ARID4A: variants seen among roughly 807,000 people sequenced by gnomAD.
ARID4A encodes AT-rich interactive domain-containing protein 4A.
A neutral mutation model predicts 148.6 loss-of-function variants in ARID4A; 39 were observed. The ratio of observed to expected loss-of-function variants is 0.26; its 90% CI spans 0.20 to 0.34. The LOEUF (loss-of-function observed/expected upper bound fraction) is 0.34. Ranked by LOEUF, ARID4A falls within the 10% of genes least tolerant of loss-of-function variation. The probability of loss-of-function intolerance (pLI) is 1.00; values close to 1 mark genes in which losing one functional copy is unlikely to be tolerated. For missense variants in ARID4A, 1,265 were observed against 1,449.1 expected (o/e 0.87, Z 2.06); for synonymous variants, 475 against 481.2 (o/e 0.99, Z 0.17).
chr14:58,308,800 A>G (rs2031800896), intron 5 of ARID4A, among the ~76,000 whole-genome samples: 1 of 152,218 alleles, frequency 6.6e-6, no homozygotes, highest in Non-Finnish European at 1.5e-5. Flanking sequence ...ACATGGGTAT[A>G]GTCAGAAAAT....
intron 15 of ARID4A, 79 bp downstream of exon 15, chr14:58,347,957 A>C: frequency 1.0e-6 from 1 of 955,758 alleles, no homozygotes; most frequent in Non-Finnish European, 1.5e-6. Context: ...TATATACACA[A>C]AAGTACTACA....
At chr14:58,367,909 A>T (rs2035426601) in intron 23 of ARID4A, among the ~76,000 whole-genome samples, 2 of 152,194 alleles carry the variant, frequency 1.3e-5, no homozygotes, top group South Asian at 4.1e-4. Context: ...TTGTCCTTGT[A>T]GTGGGACAAA....
At chr14:58,300,673 A>G (rs1406472476) in intron 2 of ARID4A, among the ~76,000 whole-genome samples, 1 of 152,158 alleles carries the variant, frequency 6.6e-6, no homozygotes, top group Non-Finnish European at 1.5e-5. Context: ...AACCTTCTTT[A>G]ATATTACTTG....
At position 58,330,121 on chromosome 14, in the gene ARID4A, A is replaced by G; in HGVS notation, c.858A>G (p.Glu286=). The change falls in exon 11 of 24, where the codon GAA becomes GAG. Residue 286 remains glutamate (E), a synonymous_variant. Transcript: ENST00000355431. ...SSDDEDGPAE[E]NDEEKEKEAK... is the part of the protein sequence containing the mutation. ...ATGATGAAGATGGCCCAGCTGAAGA[A>G]AATGATGAAGAGAAGGAAAAGGAGG... 1 of 1,613,436 alleles carries G rather than the reference A, an allele frequency of 6.2e-7. No individual in the cohort carries two copies.
chr14:58,361,021 G>A lies in ARID4A; in HGVS notation c.2059G>A (p.Ala687Thr). 6.2e-7 allele frequency: 1 copy of A among 1,613,620 alleles called. No individual in the cohort carries two copies. Among genetic ancestry groups the A allele is most frequent in the Non-Finnish European group, 8.5e-7 (1 of 1,179,804 alleles). ...CATGCCGTATGGCTTATCTAAGACA[G>A]CAAACAGTGAAGGAAAATCAGGTAC... ...SNMPYGLSKT[A>T]NSEGKSDSCS... is the part of the protein sequence containing the mutation. The change falls in exon 19 of 24, where the codon GCA becomes ACA. Residue 687 changes from alanine to threonine, a missense_variant. Transcript: ENST00000355431.
chr14:58,353,887 A>T (rs746545006), intron 17 of ARID4A, 32 bp downstream of exon 17: 1 of 1,570,558 alleles, frequency 6.4e-7, no homozygotes, highest in Non-Finnish European at 8.7e-7. Flanking sequence ...TACTATTGAA[A>T]TTTTTTCGAT....
intron 1 of ARID4A, among the ~76,000 whole-genome samples, chr14:58,299,084 T>G (rs1007057157): frequency 2.0e-5 from 3 of 152,176 alleles, no homozygotes; most frequent in African/African-American, 7.2e-5. Flanking sequence ...GATACCTCTC[T>G]GGGCTGTACA....
intron 15 of ARID4A, among the ~76,000 whole-genome samples, 168 bp from the exon 16 acceptor site, chr14:58,350,905 G>A (rs908372572): frequency 6.6e-6 from 1 of 152,068 alleles, no homozygotes; most frequent in African/African-American, 2.4e-5. Flanking sequence ...AATTCTATCA[G>A]TTATTCTTTT....
chr14:58,354,237 G>A (rs762478306), intron 17 of ARID4A, among the ~76,000 whole-genome samples: 4 of 152,144 alleles, frequency 2.6e-5, no homozygotes, highest in Non-Finnish European at 4.4e-5. Context: ...TATGAGCAGG[G>A]AGCCAGGCCT....
At chr14:58,348,085 G>A (rs1455369367) in intron 15 of ARID4A, among the ~76,000 whole-genome samples, 1 of 151,664 alleles carries the variant, frequency 6.6e-6, no homozygotes, top group Non-Finnish European at 1.5e-5. Context: ...GTTTATATTC[G>A]ATCAAGTCAT....
chr14:58,350,672 T>C (rs1235910441), intron 15 of ARID4A, among the ~76,000 whole-genome samples: 1 of 152,336 alleles, frequency 6.6e-6, no homozygotes, highest in African/African-American at 2.4e-5. Flanking sequence ...ATTCAGGGGA[T>C]TGGTTTTATT....
At chr14:58,331,246 C>T (rs879438089) in intron 11 of ARID4A, 5 of 152,082 alleles carry the variant, frequency 3.3e-5, no homozygotes, top group South Asian at 4.1e-4. Context: ...TGAGCATGCT[C>T]GGAAAGACAG....
chr14:58,366,798 A>T, intron 22 of ARID4A, 85 bp from the exon 23 acceptor site: 1 of 1,061,582 alleles, frequency 9.4e-7, no homozygotes, highest in South Asian at 1.8e-5. Context: ...TTGTTGATTT[A>T]TGAGTTAGAC....
Position 58,345,413 on chromosome 14 carries a change from A to G in ARID4A, c.979+646A>G, listed in dbSNP as rs577079228. 2.6e-5 allele frequency among the ~76,000 whole-genome samples: 4 copies of G among 152,342 alleles called. No individual in the cohort carries two copies. The East Asian group carries it at 7.7e-4, about 29-fold the overall frequency. On this transcript the variant is annotated intron_variant, in intron 12 of 23. Coordinates refer to ENST00000355431, the MANE Select transcript of ARID4A (RefSeq NM_002892.4). ...ATTACTAATGCTATATTTGTGGCAA[A>G]TAAACTAGATAAACTAGCCTGATCC... is the stretch of plus-strand genomic sequence containing the variant.
At chr14:58,319,948 C>CTTTTTTT (rs1011938946) in intron 7 of ARID4A, among the ~76,000 whole-genome samples, 3 of 127,188 alleles carry the variant, frequency 2.4e-5, no homozygotes, top group Non-Finnish European at 3.4e-5. Flanking sequence ...TTTTTCTTTT[C>CTTTTTTT]TTTTTTTTTT....
chr14:58,351,021 T>C, intron 15 of ARID4A, 52 bp from the exon 16 acceptor site: 4 of 1,510,368 alleles, frequency 2.6e-6, no homozygotes, highest in Non-Finnish European at 3.5e-6. Context: ...TTTTCCTGCT[T>C]TTTTCCCCTT....
At chr14:58,342,509 G>A (rs907155029) in intron 11 of ARID4A, among the ~76,000 whole-genome samples, 2 of 152,144 alleles carry the variant, frequency 1.3e-5, no homozygotes, top group East Asian at 3.8e-4. Flanking sequence ...TTGATGAGTT[G>A]ATTTTGTTTA....
At chr14:58,362,077 T>C (rs574909372) in intron 19 of ARID4A, among the ~76,000 whole-genome samples, 1 of 152,318 alleles carries the variant, frequency 6.6e-6, no homozygotes, top group East Asian at 1.9e-4. Flanking sequence ...TGCATCCTAA[T>C]GTGTGCTACA....
chr14:58,332,462 G>A (rs1259154057), intron 11 of ARID4A, among the ~76,000 whole-genome samples: 3 of 152,110 alleles, frequency 2.0e-5, no homozygotes, highest in East Asian at 1.9e-4. Context: ...CATACAGGAA[G>A]ATTTTCTTGA....
Sources: allele counts gnomAD v4.1 joint callset (sites outside exome capture counted in the v4.1 genomes callset), GRCh38; gene constraint gnomAD v4.1.1; transcripts MANE v1.5; gene names NCBI Gene and HGNC (gene_info 2026-07-23, HGNC 2026-07-21).